The following INTS6L variants were observed in gnomAD, a reference collection of about 807,000 sequenced individuals.
INTS6L encodes integrator complex subunit 6 like.
INTS6L carries 18 observed loss-of-function variants against 64.7 expected under a neutral mutation model. That is an observed-to-expected ratio of 0.28 (90% CI 0.19 to 0.41). The LOEUF (loss-of-function observed/expected upper bound fraction) is 0.41, where lower values mean the gene tolerates loss of function less well. Among genes scored for constraint, INTS6L ranks in the 10% least tolerant of loss-of-function variants. INTS6L has a pLI of 1.00. For synonymous variants in INTS6L, 227 were observed against 235.9 expected, an observed-to-expected ratio of 0.96 and a Z score of 0.34; for missense variants, 533 against 661.0, an observed-to-expected ratio of 0.81 and a Z score of 2.12.
intron 9 of INTS6L, among the ~76,000 whole-genome samples, chrX:135,565,371 C>A (rs1602980003): frequency 8.9e-6 from 1 of 111,834 alleles, no homozygotes; most frequent in Non-Finnish European, 1.9e-5. Flanking sequence ...ATAGTGTGAT[C>A]AAGCATTCAG....
intron 2 of INTS6L, among the ~76,000 whole-genome samples, chrX:135,534,337 G>A (rs1466485061): frequency 1.8e-5 from 2 of 110,577 alleles, no homozygotes; most frequent in African/African-American, 6.6e-5. Flanking sequence ...GATCATGTGA[G>A]TCTTTAACTG....
chrX:135,563,631 G>GTATATATA (rs1168090208), intron 9 of INTS6L, among the ~76,000 whole-genome samples: 37 of 8,060 alleles, frequency 4.6e-3, no homozygotes, highest in East Asian at 0.044. Flanking sequence ...GTGTGTGTGT[G>GTATATATA]TGTATATATA....
intron 9 of INTS6L, 63 bp from the exon 10 acceptor site, chrX:135,569,274 T>C (rs782150813): frequency 9.8e-5 from 68 of 696,930 alleles, no homozygotes; most frequent in Non-Finnish European, 1.3e-4. Context: ...TAGATGTGGG[T>C]TGCTTGATTA....
At chrX:135,536,528 A>C (rs781993145) in intron 2 of INTS6L, among the ~76,000 whole-genome samples, 2 of 111,710 alleles carry the variant, frequency 1.8e-5, no homozygotes, top group East Asian at 5.6e-4. Context: ...ACCTTTAGAG[A>C]TAGAACAGGA....
rs782646639 is a variant in INTS6L at position 135,545,584 on chromosome X, TTGAG to T, written c.339+18_339+21del. ...ACAATTATGGACAGGTAAAAATAAT[TTGAG>T]TGAGTACAGCTAATTTATTTTGGTG... is the stretch of plus-strand genomic sequence containing the variant. On this transcript the variant is annotated intron_variant, in intron 3 of 17. Coordinates refer to ENST00000639893, the MANE Select transcript of INTS6L (RefSeq NM_001351601.3). The T allele has an allele frequency of 1.0e-5, 12 of 1,189,080 alleles. No homozygotes were observed. The African/African-American group carries it at 1.1e-4, about 11-fold the overall frequency.
intron 9 of INTS6L, among the ~76,000 whole-genome samples, chrX:135,565,719 G>T (rs1368466550): frequency 2.7e-5 from 3 of 111,494 alleles, no homozygotes; most frequent in Non-Finnish European, 5.6e-5. Context: ...ACCTTACCAT[G>T]CTCTTCCTCC....
Position 135,577,282 on chromosome X carries a change from T to C in INTS6L, c.1974T>C (p.Ser658=), listed in dbSNP as rs1556531515. The part of the protein sequence containing the change: ...RPGEPNSPMS[S]KRRRSMSLLL... ...GGGAACCCAACAGTCCTATGTCATC[T>C]AAGAGAAGGCGGAGTATGTCCCTGC... The change falls in exon 15 of 18, where the codon TCT becomes TCC. Residue 658 remains serine (S), a synonymous_variant. Transcript: ENST00000639893. 2 of 1,209,903 alleles carry C rather than the reference T, an allele frequency of 1.7e-6. No homozygotes were observed. The highest frequency in any genetic ancestry group is 1.8e-5 in the South Asian group (1 of 56,772).
chrX:135,520,930 T>G lies in INTS6L; in HGVS notation c.-63T>G. The stretch of plus-strand genomic sequence containing the variant: ...CGAGAGTTGAGGGTTCAGGTGGCCG[T>G]ACGCGGCAGTGAGGGCAAGAGGGCC... On this transcript the variant is annotated 5_prime_UTR_variant, in exon 1 of 18. Transcript: ENST00000639893. 9.0e-7 allele frequency: 1 copy of G among 1,110,381 alleles called. No individual in the cohort carries two copies. Among genetic ancestry groups the G allele is most frequent in the Non-Finnish European group, 1.2e-6 (1 of 812,212 alleles). 91.5% of individuals were successfully genotyped at this position (1,110,381 alleles called of 1,213,427 possible). A position where few individuals can be genotyped will look rare whatever the true frequency, so the allele number is the denominator to read the frequency against.
Position 135,521,013 on chromosome X carries a change from C to G in INTS6L, c.21C>G (p.Leu7=). The change falls in exon 1 of 18, where the codon CTC becomes CTG. Residue 7 remains leucine, a synonymous_variant. Transcript: ENST00000639893. ...GGAAGATGCCCATCCTGCTGTTCCT[C>G]ATAGACACGTCCGCCTCTATGAACC... MPILLF[L]IDTSASMNQR... The G allele has an allele frequency of 8.3e-7, 1 of 1,211,400 alleles. No homozygotes were observed. The highest frequency in any genetic ancestry group is 1.1e-6 in the Non-Finnish European group (1 of 895,358).
rs138871583 is a variant in INTS6L at position 135,521,071 on chromosome X, A to T, written c.79A>T (p.Ile27Phe). ...TGACCTGGGCACCTCTTATTTGGAC[A>T]TTGCCAAAGGCGCTGTGGAGTTATT... ...RTDLGTSYLD[I>F]AKGAVELFLK... Residue 27 changes from isoleucine to phenylalanine, a missense_variant, in exon 1 of 18, where the codon ATT (isoleucine) becomes TTT (phenylalanine). Coordinates refer to ENST00000639893, the MANE Select transcript of INTS6L (RefSeq NM_001351601.3). The T allele has an allele frequency of 2.0e-5, 24 of 1,209,187 alleles. No homozygotes were observed. The highest frequency in any genetic ancestry group is 2.6e-5 in the Non-Finnish European group (23 of 894,838).
intron 2 of INTS6L, among the ~76,000 whole-genome samples, chrX:135,526,395 T>C (rs1242463261): frequency 1.8e-5 from 2 of 111,541 alleles, no homozygotes; most frequent in African/African-American, 6.5e-5. Context: ...GCGCCCTCTC[T>C]TCTCTTCTCA....
intron 8 of INTS6L, 44 bp downstream of exon 8, chrX:135,552,190 G>A: frequency 9.2e-7 from 1 of 1,084,113 alleles, no homozygotes; most frequent in Non-Finnish European, 1.2e-6. Flanking sequence ...AACCACTCTA[G>A]GATCTGGGAA....
chrX:135,570,637 A>G (rs2087067396), intron 11 of INTS6L, 91 bp downstream of exon 11: 1 of 983,968 alleles, frequency 1.0e-6, no homozygotes, highest in Admixed American at 3.0e-5. Flanking sequence ...TTTCAAATTA[A>G]ATGTGTATAT....
At chrX:135,538,503 A>G (rs1307083650) in intron 2 of INTS6L, among the ~76,000 whole-genome samples, 1 of 111,538 alleles carries the variant, frequency 9.0e-6, no homozygotes, top group Non-Finnish European at 1.9e-5. Context: ...AAAGTCATCC[A>G]TGAAGGTTGG....
chrX:135,533,813 G>T (rs2085974328), intron 2 of INTS6L, among the ~76,000 whole-genome samples: 1 of 112,150 alleles, frequency 8.9e-6, no homozygotes, highest in Non-Finnish European at 1.9e-5. Flanking sequence ...CCATAAATGA[G>T]CCAAAATGTA....
intron 2 of INTS6L, among the ~76,000 whole-genome samples, chrX:135,536,221 CTT>C (rs1181755116): frequency 8.9e-6 from 1 of 112,166 alleles, no homozygotes; most frequent in East Asian, 2.8e-4. Flanking sequence ...TACAAGGATT[CTT>C]TTTACTGTTT....
At chrX:135,521,786 C>T (rs1333660972) in intron 2 of INTS6L, among the ~76,000 whole-genome samples, 1 of 107,735 alleles carries the variant, frequency 9.3e-6, no homozygotes, top group South Asian at 4.0e-4. Context: ...CCTGCGACTC[C>T]GCCCCGAGGT....
At chrX:135,522,964 A>G (rs1233773552) in intron 2 of INTS6L, among the ~76,000 whole-genome samples, 1 of 112,240 alleles carries the variant, frequency 8.9e-6, no homozygotes, top group Non-Finnish European at 1.9e-5. Context: ...CTGAATGTCT[A>G]CACTCTTCGA....
rs2086516913 is a variant in INTS6L, at chrX:135,551,990, T to A, written c.907-4T>A. On this transcript the variant is annotated splice_region_variant and splice_polypyrimidine_tract_variant and intron_variant, in intron 7 of 17. Transcript: ENST00000639893. ...TTCTGCTTTTTTTAAAAAATTTTTT[T>A]TAGCCTCCACGAACATCTCATCCTG... 1 of 1,133,859 alleles carries A rather than the reference T, an allele frequency of 8.8e-7. No homozygotes were observed. The highest frequency in any genetic ancestry group is 1.2e-6 in the Non-Finnish European group (1 of 859,468). 93.4% of individuals were successfully genotyped at this position (1,133,859 alleles called of 1,213,427 possible).
Sources: gnomAD v4.1 joint callset for allele counts (sites outside exome capture counted in the v4.1 genomes callset) on GRCh38, gnomAD v4.1.1 for gene constraint, MANE v1.5 for transcripts, NCBI Gene and HGNC (gene_info 2026-07-23, HGNC 2026-07-21) for gene names.